BTRC: variants seen among roughly 807,000 people sequenced by gnomAD.
BTRC encodes the protein F-box/WD repeat-containing protein 1A.
BTRC carries 42 observed loss-of-function variants against 85.5 expected under a neutral mutation model. The observed-to-expected ratio is 0.49, with a 90% confidence interval of 0.38 to 0.64. The LOEUF (loss-of-function observed/expected upper bound fraction) is 0.64, where lower values mean the gene tolerates loss of function less well. BTRC is among the 30% of genes least tolerant of loss of function. BTRC has a pLI of 0.00. For synonymous variants in BTRC, 255 were observed against 263.3 expected (o/e 0.97, Z 0.30); for missense variants, 594 against 743.5 (o/e 0.80, Z 2.34).
chr10:101,556,517 C>T lies in BTRC; in HGVS notation c.*3394C>T, dbSNP rs969002133. ...CAGTCCAACCCAGATTAGTGCAGCC[C>T]GGAGGCTTAGGGTGCAGCCTCCCTG... On this transcript the variant is annotated 3_prime_UTR_variant, in exon 15 of 15. Coordinates refer to ENST00000370187, the MANE Select transcript of BTRC (RefSeq NM_033637.4). The T allele has an allele frequency of 2.6e-5, 4 of 152,254 alleles. No homozygotes were observed. Among genetic ancestry groups the T allele is most frequent in the African/African-American group, 9.6e-5 (4 of 41,456 alleles). The allele number at this position is 152,254 out of a possible 1,614,324, so 9.4% of individuals were successfully genotyped here.
chr10:101,437,290 C>A (rs191762929), intron 2 of BTRC, among the ~76,000 whole-genome samples: 8 of 152,228 alleles, frequency 5.3e-5, no homozygotes, highest in Admixed American at 5.2e-4. Context: ...GGAATATGTA[C>A]ATTATTTGGT....
intron 1 of BTRC, among the ~76,000 whole-genome samples, chr10:101,366,860 T>TTATATATATATTTA (rs373264156): frequency 1.6e-4 from 4 of 25,398 alleles, no homozygotes; most frequent in Non-Finnish European, 3.5e-4. Context: ...TAATATATAT[T>TTATATATATATTTA]TATATATTAA....
At chr10:101,546,965 T>C (rs188457685) in intron 13 of BTRC, among the ~76,000 whole-genome samples, 2 of 152,344 alleles carry the variant, frequency 1.3e-5, no homozygotes, top group Admixed American at 6.5e-5. Context: ...TTTTCTGTTA[T>C]CTCTTCTATA....
At chr10:101,462,186 C>A in intron 3 of BTRC, 128 bp downstream of exon 3, 1 of 664,140 alleles carries the variant, frequency 1.5e-6, no homozygotes, top group Non-Finnish European at 2.6e-6. Context: ...GTTGGCCTGG[C>A]CATAGCCATC....
intron 4 of BTRC, among the ~76,000 whole-genome samples, chr10:101,487,479 C>T (rs1183368159): frequency 2.0e-5 from 3 of 152,222 alleles, no homozygotes; most frequent in Non-Finnish European, 4.4e-5. Flanking sequence ...AATAAAGCCA[C>T]TCAGTGTCTG....
At chr10:101,444,680 A>C (rs995509500) in intron 2 of BTRC, among the ~76,000 whole-genome samples, 2 of 152,188 alleles carry the variant, frequency 1.3e-5, no homozygotes, top group African/African-American at 4.8e-5. Context: ...AAAAGAATAC[A>C]ATTACAAATA....
At chr10:101,513,080 C>G (rs2061977708) in intron 4 of BTRC, among the ~76,000 whole-genome samples, 1 of 151,936 alleles carries the variant, frequency 6.6e-6, no homozygotes, top group Non-Finnish European at 1.5e-5. Flanking sequence ...TCATTGTGTC[C>G]TTGTAGATTT....
chr10:101,531,470 G>A, intron 7 of BTRC, 137 bp downstream of exon 7: 1 of 644,662 alleles, frequency 1.6e-6, no homozygotes, highest in Non-Finnish European at 2.6e-6. Context: ...GGCCATGGTG[G>A]CTCACACCTG....
intron 4 of BTRC, among the ~76,000 whole-genome samples, chr10:101,517,155 G>A (rs1589582577): frequency 6.6e-6 from 1 of 152,176 alleles, no homozygotes; most frequent in African/African-American, 2.4e-5. Flanking sequence ...ATCATTTTTA[G>A]TCTGTATCAT....
intron 13 of BTRC, among the ~76,000 whole-genome samples, chr10:101,539,378 T>C (rs1028804820): frequency 2.6e-5 from 4 of 152,208 alleles, no homozygotes; most frequent in African/African-American, 4.8e-5. Context: ...ACTGTCATCA[T>C]TTAGGCATTC....
chr10:101,445,668 A>G (rs1334729384), intron 2 of BTRC, among the ~76,000 whole-genome samples: 2 of 152,162 alleles, frequency 1.3e-5, no homozygotes, highest in Non-Finnish European at 2.9e-5. Flanking sequence ...ACTGACATCA[A>G]TCCCATGTGG....
intron 12 of BTRC, among the ~76,000 whole-genome samples, chr10:101,537,662 GATAC>G (rs2062407404): frequency 6.6e-6 from 1 of 152,232 alleles, no homozygotes; most frequent in African/African-American, 2.4e-5. Flanking sequence ...TAACTACACT[GATAC>G]ATTCATTAGC....
intron 3 of BTRC, among the ~76,000 whole-genome samples, chr10:101,469,497 A>G (rs1457418517): frequency 6.6e-6 from 1 of 152,198 alleles, no homozygotes; most frequent in Non-Finnish European, 1.5e-5. Flanking sequence ...AAAAGAGGGT[A>G]ATTTTGAAGG....
intron 1 of BTRC, among the ~76,000 whole-genome samples, chr10:101,410,179 C>T (rs936579228): frequency 2.0e-5 from 3 of 152,136 alleles, no homozygotes; most frequent in African/African-American, 7.2e-5. Context: ...ATCTGGATTT[C>T]CTGGTATGCT....
intron 1 of BTRC, among the ~76,000 whole-genome samples, chr10:101,379,386 T>A (rs576916657): frequency 6.6e-6 from 1 of 152,318 alleles, no homozygotes; most frequent in South Asian, 2.1e-4. Context: ...TGGAAAAATA[T>A]AATCTTTTGA....
intron 11 of BTRC, 120 bp downstream of exon 11, chr10:101,535,592 G>A (rs1224485953): frequency 6.0e-6 from 4 of 669,960 alleles, no homozygotes; most frequent in African/African-American, 5.6e-5. Flanking sequence ...TTTCCTTTCT[G>A]TAGCTTCTTA....
chr10:101,394,232 G>A (rs914618716), intron 1 of BTRC, among the ~76,000 whole-genome samples: 3 of 152,264 alleles, frequency 2.0e-5, no homozygotes, highest in Admixed American at 2.0e-4. Flanking sequence ...TTTGGAAATG[G>A]TTCGAGTACG....
chr10:101,454,656 C>G (rs552297058), intron 2 of BTRC, among the ~76,000 whole-genome samples: 1 of 152,178 alleles, frequency 6.6e-6, no homozygotes, highest in East Asian at 1.9e-4. Flanking sequence ...GTGGCGTATA[C>G]CTGTAGTCTT....
At chr10:101,410,460 C>T (rs1254017228) in intron 1 of BTRC, among the ~76,000 whole-genome samples, 1 of 152,024 alleles carries the variant, frequency 6.6e-6, no homozygotes, top group Non-Finnish European at 1.5e-5. Context: ...ACTAAAAATA[C>T]AAATATTAGC....
Sources: allele counts gnomAD v4.1 joint callset (sites outside exome capture counted in the v4.1 genomes callset), GRCh38; gene constraint gnomAD v4.1.1; transcripts MANE v1.5; gene names NCBI Gene and HGNC (gene_info 2026-07-23, HGNC 2026-07-21).